The following SLC30A8 variants were observed in gnomAD, a reference collection of about 807,000 sequenced individuals.
SLC30A8 encodes solute carrier family 30 member 8, also known as proton-coupled zinc antiporter SLC30A8.
A neutral mutation model predicts 36.9 loss-of-function variants in SLC30A8; 27 were observed. The ratio of observed to expected loss-of-function variants is 0.73; its 90% CI spans 0.54 to 1.01. The LOEUF (loss-of-function observed/expected upper bound fraction) is 1.01. Ranked by LOEUF, SLC30A8 falls within the 50% of genes least tolerant of loss-of-function variation. The pLI is 0.00. For missense variants in SLC30A8, 439 were observed against 452.0 expected (o/e 0.97, Z 0.26); for synonymous variants, 164 against 172.4 (o/e 0.95, Z 0.38).
At chr8:117,120,729 A>T (rs1382027969) in intron 2 of SLC30A8, among the ~76,000 whole-genome samples, 1 of 151,802 alleles carries the variant, frequency 6.6e-6, no homozygotes, top group African/African-American at 2.4e-5. Context: ...TTAATATCTA[A>T]AATATATAGG....
chr8:117,066,663 C>A (rs950072685), intron 2 of SLC30A8, among the ~76,000 whole-genome samples: 1 of 151,962 alleles, frequency 6.6e-6, no homozygotes, highest in Non-Finnish European at 1.5e-5. Flanking sequence ...ATGACTCAAT[C>A]AGTGTTAGGG....
At chr8:117,168,830 C>T (rs1482559018) in intron 6 of SLC30A8, among the ~76,000 whole-genome samples, 1 of 152,130 alleles carries the variant, frequency 6.6e-6, no homozygotes, top group Non-Finnish European at 1.5e-5. Flanking sequence ...AGAGCACAGA[C>T]ATTGGGATCT....
At chr8:117,024,322 G>A (rs962591647) in intron 1 of SLC30A8, among the ~76,000 whole-genome samples, 3 of 152,154 alleles carry the variant, frequency 2.0e-5, no homozygotes, top group Admixed American at 6.5e-5. Flanking sequence ...TGGAGTTTCG[G>A]CTAATTCTTT....
chr8:117,141,167 A>G (rs140602288), intron 1 of SLC30A8, among the ~76,000 whole-genome samples: 6 of 152,252 alleles, frequency 3.9e-5, no homozygotes, highest in East Asian at 3.9e-4. Flanking sequence ...ACACTTCCCA[A>G]CTCATTTTAT....
intron 2 of SLC30A8, among the ~76,000 whole-genome samples, chr8:117,054,790 GT>G (rs976640654): frequency 3.3e-5 from 5 of 152,096 alleles, no homozygotes; most frequent in African/African-American, 1.2e-4. Context: ...AGAAAAATCT[GT>G]TTTCAATAAT....
intron 6 of SLC30A8, among the ~76,000 whole-genome samples, chr8:117,166,372 G>T (rs1337070134): frequency 1.3e-5 from 2 of 152,136 alleles, no homozygotes; most frequent in Admixed American, 1.3e-4. Context: ...GTTAACAAAT[G>T]ATATTATTTT....
At chr8:117,099,012 A>C (rs1284748901) in intron 2 of SLC30A8, among the ~76,000 whole-genome samples, 1 of 152,178 alleles carries the variant, frequency 6.6e-6, no homozygotes, top group African/African-American at 2.4e-5. Flanking sequence ...ATATAAGAAA[A>C]TAGGTTAAAC....
chr8:116,991,750 G>A (rs1272776169), intron 1 of SLC30A8, among the ~76,000 whole-genome samples: 2 of 151,988 alleles, frequency 1.3e-5, no homozygotes, highest in Non-Finnish European at 1.5e-5. Context: ...TCCCCTTGCT[G>A]ATATTTGTCA....
intron 1 of SLC30A8, among the ~76,000 whole-genome samples, chr8:116,996,645 C>T (rs933886075): frequency 6.6e-6 from 1 of 152,102 alleles, no homozygotes; most frequent in Non-Finnish European, 1.5e-5. Context: ...ATTCTTATCC[C>T]GTGTAGGGCT....
At chr8:117,147,275 T>G (rs1204654762) in intron 2 of SLC30A8, 122 bp downstream of exon 2, 10 of 795,266 alleles carry the variant, frequency 1.3e-5, no homozygotes, top group Non-Finnish European at 2.0e-5. Flanking sequence ...AAGGTAACAA[T>G]ATGCTCATTG....
chr8:117,118,971 G>C lies in SLC30A8; in HGVS notation c.-225-16309G>C, dbSNP rs929869017. Among the ~76,000 whole-genome samples the C allele has an allele frequency of 2.2e-4, 33 of 152,064 alleles. 1 individual carries two copies. Among genetic ancestry groups the C allele is most frequent in the Non-Finnish European group, 5.9e-5 (4 of 67,922 alleles). ...ATAAGGCAAATTCCTATGGGCCTCT[G>C]AGACAGGCCTAATGTCTGTGGGGAT... On this transcript the variant is annotated intron_variant, in intron 2 of 10. Coordinates refer to the SLC30A8 transcript ENST00000427715.
At chr8:117,115,925 G>C (rs1820423796) in intron 2 of SLC30A8, among the ~76,000 whole-genome samples, 1 of 152,098 alleles carries the variant, frequency 6.6e-6, no homozygotes, top group African/African-American at 2.4e-5. Context: ...TTGTCTGGAA[G>C]TTGCATTTGC....
chr8:116,980,779 C>T (rs1203281638), intron 1 of SLC30A8, among the ~76,000 whole-genome samples: 1 of 152,200 alleles, frequency 6.6e-6, no homozygotes, highest in African/African-American at 2.4e-5. Flanking sequence ...GGTGATTATC[C>T]TTCCAGACAT....
intron 1 of SLC30A8, among the ~76,000 whole-genome samples, chr8:116,952,840 CAAAG>C (rs1173571215): frequency 4.0e-5 from 5 of 125,726 alleles, no homozygotes; most frequent in Non-Finnish European, 8.2e-5. Flanking sequence ...CCTATTATGA[CAAAG>C]AAGAATTTTA....
At chr8:117,048,858 TA>T (rs1418082326) in intron 2 of SLC30A8, among the ~76,000 whole-genome samples, 1 of 152,172 alleles carries the variant, frequency 6.6e-6, no homozygotes, top group Non-Finnish European at 1.5e-5. Context: ...CCGATTGGAT[TA>T]AAAAAATCTC....
At chr8:117,170,935 A>T in intron 6 of SLC30A8, 99 bp from the exon 7 acceptor site, 1 of 984,176 alleles carries the variant, frequency 1.0e-6, no homozygotes, top group Non-Finnish European at 1.5e-6. Flanking sequence ...AGGGATGAAC[A>T]CATTGAAATT....
chr8:116,973,504 G>A (rs1814864818), intron 1 of SLC30A8, among the ~76,000 whole-genome samples: 1 of 152,156 alleles, frequency 6.6e-6, no homozygotes, highest in African/African-American at 2.4e-5. Flanking sequence ...CCTCTTCAGG[G>A]AGAACTACAA....
chr8:117,108,080 C>T (rs189039155), intron 2 of SLC30A8, among the ~76,000 whole-genome samples: 7 of 152,176 alleles, frequency 4.6e-5, no homozygotes, highest in African/African-American at 9.6e-5. Context: ...TATCTTATTT[C>T]GATGAGTAAA....
intron 1 of SLC30A8, among the ~76,000 whole-genome samples, chr8:116,995,714 G>A (rs948559351): frequency 1.2e-4 from 18 of 152,038 alleles, no homozygotes; most frequent in Non-Finnish European, 2.2e-4. Flanking sequence ...TCTAATAAGT[G>A]AAGTATGTGG....
Sources: gnomAD v4.1 joint callset for allele counts (sites outside exome capture counted in the v4.1 genomes callset) on GRCh38, gnomAD v4.1.1 for gene constraint, MANE v1.5 for transcripts, NCBI Gene and HGNC (gene_info 2026-07-23, HGNC 2026-07-21) for gene names.